The following ATAD5 variants were observed in gnomAD, a reference collection of about 807,000 sequenced individuals.
ATAD5 encodes ATPase family AAA domain containing 5, also known as ATPase family AAA domain-containing protein 5.
Under a neutral mutation model 176.9 loss-of-function variants are expected in ATAD5, and 58 were observed. That is an observed-to-expected ratio of 0.33 (90% CI 0.27 to 0.41). The LOEUF is 0.41. Among genes scored for constraint, ATAD5 ranks in the 10% least tolerant of loss-of-function variants. ATAD5 has a pLI of 1.00. For synonymous variants in ATAD5, 640 were observed against 712.6 expected (o/e 0.90, Z 1.62); for missense variants, 1,789 against 2,094.1 (o/e 0.85, Z 2.84).
chr17:30,881,431 T>C (rs542040104), intron 18 of ATAD5, among the ~76,000 whole-genome samples: 76 of 152,198 alleles, frequency 5.0e-4, no homozygotes, highest in African/African-American at 1.7e-3. Context: ...TCCCTAGTAA[T>C]TGGGATTGGA....
At chr17:30,860,014 G>A (rs959092918) in intron 9 of ATAD5, among the ~76,000 whole-genome samples, 1,482 of 125,080 alleles carry the variant, frequency 0.012, 39 homozygotes, top group South Asian at 0.034. Context: ...GTGAGCCACC[G>A]CGCCTGGCCT....
chr17:30,874,548 C>CAAA lies in ATAD5; in HGVS notation c.3608-1811_3608-1809dup, dbSNP rs1298663817. The stretch of plus-strand genomic sequence containing the variant: ...GAGTGAGACTCCATCTCAAAAGAAA[C>CAAA]AAAAAAAAAAAAAAAAAGAGGAAAA... On this transcript the variant is annotated intron_variant, in intron 14 of 22. Transcript: ENST00000321990. Among the ~76,000 whole-genome samples, 35 of 70,168 alleles carry CAAA rather than the reference C, an allele frequency of 5.0e-4. No homozygotes were observed. In the South Asian group the frequency reaches 6.5e-3, roughly 13 times the overall value. 46.0% of individuals were successfully genotyped at this position (70,168 alleles called of 152,430 possible).
chr17:30,836,507 G>A lies in ATAD5; in HGVS notation c.1967+459G>A, dbSNP rs141673311. ...AGAAAAAGAACAGAGCTTCAAAAAT[G>A]CTTCTTTGTTTGCCACATGTAATTA... is the stretch of plus-strand genomic sequence containing the variant. On this transcript the variant is annotated intron_variant, in intron 2 of 22. Transcript: ENST00000321990. Among the ~76,000 whole-genome samples, 1,494 of 151,530 alleles carry A rather than the reference G, an allele frequency of 9.9e-3. 8 individuals carry two copies. Among genetic ancestry groups the A allele is most frequent in the Non-Finnish European group, 0.016 (1,065 of 67,728 alleles).
chr17:30,866,112 T>G (rs1027203811), intron 11 of ATAD5, among the ~76,000 whole-genome samples: 1 of 151,670 alleles, frequency 6.6e-6, no homozygotes, highest in African/African-American at 2.4e-5. Context: ...ATCCAAAAAA[T>G]TCTGAATAAT....
intron 3 of ATAD5, 57 bp downstream of exon 3, chr17:30,837,371 C>T: frequency 8.7e-7 from 1 of 1,151,672 alleles, no homozygotes; most frequent in South Asian, 1.5e-5. Flanking sequence ...AAAAAACAAA[C>T]AAAAAACCCC....
In ATAD5 at chr17:30,893,855, G is replaced by A. The variant is rs746987612; in HGVS notation, c.5002G>A (p.Glu1668Lys). ...AGATGCACTTTTAACTGATGTAAGG[G>A]AACAAAACAAATACGGTAGAAATGA... ...FLDALLTDVR[E>K]QNKYGRNDFS... The change falls in exon 21 of 23, where the codon GAA (glutamate) becomes AAA (lysine). Residue 1668 changes from glutamate to lysine, a missense_variant. By Grantham distance (56) the Glu-to-Lys change is moderately conservative. Coordinates refer to ENST00000321990, the MANE Select transcript of ATAD5 (RefSeq NM_024857.5). The A allele has an allele frequency of 6.2e-7, 1 of 1,613,908 alleles. No homozygotes were observed. The highest frequency in any genetic ancestry group is 8.5e-7 in the Non-Finnish European group (1 of 1,179,878).
Position 30,895,167 on chromosome 17 carries a change from C to T in ATAD5, c.*254C>T. The stretch of plus-strand genomic sequence containing the variant: ...GGAGTATTTTTTGTATGTGAGTGAA[C>T]TGTTTCTGGAAGGTAGAGTTCATTA... On this transcript the variant is annotated 3_prime_UTR_variant, in exon 23 of 23. Transcript: ENST00000321990. 3.4e-6 allele frequency: 1 copy of T among 292,086 alleles called. No individual in the cohort carries two copies. The highest frequency in any genetic ancestry group is 6.3e-6 in the Non-Finnish European group (1 of 158,704). The allele number at this position is 292,086 out of a possible 1,614,324, so 18.1% of individuals were successfully genotyped here.
chr17:30,832,627 C>T (rs1379029982), intron 1 of ATAD5, among the ~76,000 whole-genome samples: 1 of 151,104 alleles, frequency 6.6e-6, no homozygotes, highest in Non-Finnish European at 1.5e-5. Context: ...GAGATATTTG[C>T]GGGGTCACAG....
intron 4 of ATAD5, among the ~76,000 whole-genome samples, chr17:30,843,074 G>A (rs1213918073): frequency 1.3e-5 from 2 of 151,242 alleles, no homozygotes; most frequent in Non-Finnish European, 3.0e-5. Context: ...AAGCCTTTTT[G>A]GGCCTGGTGG....
chr17:30,877,940 A>ATGT lies in ATAD5; in HGVS notation c.3919-63_3919-62insTGT. 2.7e-6 allele frequency: 3 copies of ATGT among 1,125,114 alleles called. No homozygotes were observed. In the South Asian group the frequency reaches 4.5e-5, roughly 17 times the overall value. 69.7% of individuals were successfully genotyped at this position (1,125,114 alleles called of 1,614,324 possible). A position where few individuals can be genotyped will look rare whatever the true frequency, so the allele number is the denominator to read the frequency against. On this transcript the variant is annotated intron_variant, in intron 16 of 22. Transcript: ENST00000321990. ...TGTCTCTAACAGACATAGAATATTT[A>ATGT]CTATGTATACATAACTGATATTAGT...
intron 19 of ATAD5, among the ~76,000 whole-genome samples, chr17:30,888,455 G>C (rs1272672614): frequency 6.6e-6 from 1 of 151,898 alleles, no homozygotes; most frequent in Non-Finnish European, 1.5e-5. Context: ...GAGATATGAG[G>C]ATCACTAGAA....
chr17:30,871,357 G>GT (rs1385631625), intron 14 of ATAD5, among the ~76,000 whole-genome samples: 1 of 150,886 alleles, frequency 6.6e-6, no homozygotes, highest in East Asian at 1.9e-4. Context: ...TGTAATTTTT[G>GT]TTTTTTTGAA....
At chr17:30,862,688 G>A (rs1718367046) in intron 10 of ATAD5, 3 of 152,452 alleles carry the variant, frequency 2.0e-5, no homozygotes, top group East Asian at 1.9e-4. Context: ...TTATCCACCC[G>A]CCTTGGCCTC....
intron 4 of ATAD5, 74 bp from the exon 5 acceptor site, chr17:30,843,839 C>A: frequency 1.1e-6 from 1 of 891,808 alleles, no homozygotes; most frequent in Non-Finnish European, 1.6e-6. Flanking sequence ...GTTTCTATCA[C>A]TGTGATTCTT....
At chr17:30,875,361 C>T (rs1908594493) in intron 14 of ATAD5, among the ~76,000 whole-genome samples, 1 of 152,104 alleles carries the variant, frequency 6.6e-6, no homozygotes, top group African/African-American at 2.4e-5. Context: ...TATTAATTTA[C>T]TGCAGGTCTA....
intron 19 of ATAD5, among the ~76,000 whole-genome samples, chr17:30,891,415 A>G (rs1348782517): frequency 6.6e-6 from 1 of 152,206 alleles, no homozygotes; most frequent in East Asian, 1.9e-4. Context: ...TCAGTCGCCC[A>G]GGCCAGAGTA....
At chr17:30,881,964 T>A (rs1487540245) in intron 18 of ATAD5, among the ~76,000 whole-genome samples, 1 of 147,836 alleles carries the variant, frequency 6.8e-6, no homozygotes, top group African/African-American at 2.5e-5. Flanking sequence ...TGAATATTTT[T>A]AAAAATTTGT....
rs1908744596 is a variant in ATAD5 at position 30,877,559 on chromosome 17, T to C, written c.3918+10T>C. ...TATTCTTTTTGAGGAGGTAGGCTTA[T>C]AGAAGTATACATTTGTGAGAGCTCA... On this transcript the variant is annotated intron_variant, in intron 16 of 22. Transcript: ENST00000321990. 2.5e-6 allele frequency: 4 copies of C among 1,601,938 alleles called. No homozygotes were observed. Among genetic ancestry groups the C allele is most frequent in the Middle Eastern group, 1.7e-4 (1 of 6,024 alleles).
At position 30,835,579 on chromosome 17, in the gene ATAD5, A is replaced by G. The variant is rs781657237; in HGVS notation, c.1498A>G (p.Thr500Ala). The G allele has an allele frequency of 5.6e-6, 9 of 1,611,814 alleles. No homozygotes were observed. Among genetic ancestry groups the G allele is most frequent in the Non-Finnish European group, 7.6e-6 (9 of 1,178,672 alleles). The change falls in exon 2 of 23, where the codon ACT (threonine) becomes GCT (alanine). Residue 500 changes from threonine (T) to alanine (A), a missense_variant. Thr to Ala is a moderately conservative substitution (Grantham distance 58). Around this residue, in one of 6 missense-constraint regions of ATAD5, gnomAD observed 696 missense variants for 712.5 expected, o/e 0.98. Coordinates refer to ENST00000321990, the MANE Select transcript of ATAD5 (RefSeq NM_024857.5). ...AIPGKNREGN[T>A]QKKETTFFLK... is the part of the protein sequence containing the mutation. ...TCCAGGCAAAAACAGAGAGGGAAAC[A>G]CTCAAAAGAAAGAAACAACCTTTTT...
Sources: gnomAD v4.1 joint callset for allele counts (sites outside exome capture counted in the v4.1 genomes callset) on GRCh38, gnomAD v4.1.1 for gene constraint, gnomAD v4.1.1 regional missense constraint, MANE v1.5 for transcripts, NCBI Gene and HGNC (gene_info 2026-07-23, HGNC 2026-07-21) for gene names.